The following CAMKMT variants were observed in gnomAD, a reference collection of about 807,000 sequenced individuals.
CAMKMT encodes the protein calmodulin-lysine N-methyltransferase, also known as CaM KMT.
Under a neutral mutation model 48.0 loss-of-function variants are expected in CAMKMT, and 53 were observed. The observed-to-expected ratio is 1.10, with a 90% CI of 0.89 to 1.39. The LOEUF is 1.39. Ranked by LOEUF, CAMKMT falls within the 40% of genes most tolerant of loss-of-function variation. The pLI is 0.00. For missense variants in CAMKMT, 428 were observed against 402.7 expected (o/e 1.06, Z -0.54); for synonymous variants, 165 against 152.3 (o/e 1.08, Z -0.61).
chr2:44,629,351 T>C (rs1672674770), intron 3 of CAMKMT, among the ~76,000 whole-genome samples: 1 of 152,140 alleles, frequency 6.6e-6, no homozygotes, highest in African/African-American at 2.4e-5. Flanking sequence ...ACCTCATGAT[T>C]AGTGTGCACA....
intron 3 of CAMKMT, among the ~76,000 whole-genome samples, chr2:44,441,122 A>T (rs973618130): frequency 2.0e-5 from 3 of 151,866 alleles, no homozygotes; most frequent in Admixed American, 1.3e-4. Context: ...TTTCTCACTT[A>T]TTTGGTGTCT....
At chr2:44,426,390 G>C (rs1244767086) in intron 3 of CAMKMT, among the ~76,000 whole-genome samples, 1 of 152,124 alleles carries the variant, frequency 6.6e-6, no homozygotes, top group Non-Finnish European at 1.5e-5. Flanking sequence ...AAAAAATGAA[G>C]TTAAATTGTC....
In CAMKMT at chr2:44,684,998, T is replaced by C. The variant is rs528211201; in HGVS notation, c.377-19285T>C. 2.6e-4 allele frequency among the ~76,000 whole-genome samples: 40 copies of C among 152,222 alleles called. 1 individual carries two copies. In the South Asian group the frequency reaches 8.1e-3, roughly 31 times the overall value. On this transcript the variant is annotated intron_variant, in intron 3 of 10. Transcript: ENST00000378494. Reference sequence around the variant, plus strand: ...AGGGATTCATTTTTTATTGCTGAGTTCTAGGTTTAGAACAATTCGTTGCTA... The same window carrying C: ...AGGGATTCATTTTTTATTGCTGAGTCCTAGGTTTAGAACAATTCGTTGCTA...
intron 3 of CAMKMT, among the ~76,000 whole-genome samples, chr2:44,586,316 CAT>C (rs1426888592): frequency 1.3e-5 from 2 of 151,088 alleles, no homozygotes; most frequent in Admixed American, 1.3e-4. Context: ...TAAGTTTTAA[CAT>C]ATGTATATAT....
intron 3 of CAMKMT, among the ~76,000 whole-genome samples, chr2:44,678,823 A>T (rs1376584062): frequency 2.0e-5 from 3 of 152,074 alleles, no homozygotes; most frequent in African/African-American, 4.8e-5. Flanking sequence ...AGCCCCTGGT[A>T]TTCCATGTAC....
chr2:44,505,694 G>A (rs1314068477), intron 3 of CAMKMT, among the ~76,000 whole-genome samples: 2 of 152,084 alleles, frequency 1.3e-5, no homozygotes, highest in East Asian at 3.9e-4. Flanking sequence ...AAAAGGAGGA[G>A]TTTGTCTTGC....
intron 9 of CAMKMT, 83 bp from the exon 10 acceptor site, chr2:44,766,347 A>ATATG: frequency 6.8e-7 from 1 of 1,479,506 alleles, no homozygotes; most frequent in Non-Finnish European, 9.4e-7. Context: ...TGAGAGCAGT[A>ATATG]CATTAAATGC....
chr2:44,751,255 A>G (rs1023366728), intron 8 of CAMKMT, among the ~76,000 whole-genome samples: 10 of 152,160 alleles, frequency 6.6e-5, no homozygotes, highest in African/African-American at 2.4e-4. Flanking sequence ...TGCCTAAACC[A>G]GTCAGTGCTC....
rs567668035 is a variant in CAMKMT at position 44,364,319 on chromosome 2, C to G, written c.138+2174C>G. On this transcript the variant is annotated intron_variant, in intron 1 of 10. Coordinates refer to ENST00000378494, the MANE Select transcript of CAMKMT (RefSeq NM_024766.5). ...CCTGCTTATAGTCTTTTTATCTTCT[C>G]TACTTGGTGAATGATTGTTCATTCT... is the stretch of plus-strand genomic sequence containing the variant. Among the ~76,000 whole-genome samples the G allele has an allele frequency of 2.8e-3, 423 of 152,276 alleles. 1 individual carries two copies. The highest frequency in any genetic ancestry group is 8.3e-3 in the African/African-American group (344 of 41,554).
intron 3 of CAMKMT, among the ~76,000 whole-genome samples, chr2:44,536,276 T>C (rs1233631399): frequency 6.6e-6 from 1 of 151,558 alleles, no homozygotes; most frequent in Admixed American, 6.6e-5. Context: ...AAAATGACCA[T>C]ACTACCCAAA....
At chr2:44,591,852 G>T (rs1311525752) in intron 3 of CAMKMT, among the ~76,000 whole-genome samples, 1 of 151,730 alleles carries the variant, frequency 6.6e-6, no homozygotes. Flanking sequence ...AGAAAATGTG[G>T]CACATATACA....
chr2:44,759,586 T>C (rs1374918290), intron 9 of CAMKMT, among the ~76,000 whole-genome samples: 1 of 152,156 alleles, frequency 6.6e-6, no homozygotes, highest in Non-Finnish European at 1.5e-5. Context: ...TGGGTTCTTA[T>C]CTGCTTACTG....
At chr2:44,577,339 G>C (rs1669276325) in intron 3 of CAMKMT, among the ~76,000 whole-genome samples, 1 of 152,186 alleles carries the variant, frequency 6.6e-6, no homozygotes, top group African/African-American at 2.4e-5. Context: ...AAGCCATAAA[G>C]CTTCTTCTGT....
chr2:44,515,854 G>A (rs1670806215), intron 3 of CAMKMT, among the ~76,000 whole-genome samples: 1 of 152,080 alleles, frequency 6.6e-6, no homozygotes, highest in East Asian at 1.9e-4. Flanking sequence ...TTAGTTTTTA[G>A]GCCCTTTACC....
At chr2:44,644,948 C>T (rs1214592821) in intron 3 of CAMKMT, among the ~76,000 whole-genome samples, 13 of 152,114 alleles carry the variant, frequency 8.5e-5, no homozygotes, top group African/African-American at 2.2e-4. Flanking sequence ...AGAGTTCTGT[C>T]GTTCTCTCAA....
At chr2:44,753,980 T>G (rs3738980) in intron 8 of CAMKMT, 75 bp from the exon 9 acceptor site, 186,799 of 1,030,352 alleles carry the variant, frequency 0.18, 22,810 homozygotes, top group East Asian at 0.61. Context: ...TAATTAGCCT[T>G]GTACTTATCT....
chr2:44,466,159 T>A (rs1391362039), intron 3 of CAMKMT, among the ~76,000 whole-genome samples: 2 of 152,166 alleles, frequency 1.3e-5, no homozygotes, highest in Non-Finnish European at 2.9e-5. Context: ...AGGACTTCAA[T>A]AACATTATAG....
intron 3 of CAMKMT, among the ~76,000 whole-genome samples, chr2:44,629,723 C>G (rs1360340204): frequency 2.6e-5 from 4 of 152,082 alleles, no homozygotes; most frequent in African/African-American, 7.2e-5. Context: ...GAACTACAAA[C>G]CACTGCTCAA....
chr2:44,605,844 T>C (rs1336124582), intron 3 of CAMKMT, among the ~76,000 whole-genome samples: 1 of 152,258 alleles, frequency 6.6e-6, no homozygotes, highest in African/African-American at 2.4e-5. Context: ...GAAATTATTA[T>C]GTTGGCATAG....
Sources: gnomAD v4.1 joint callset for allele counts (sites outside exome capture counted in the v4.1 genomes callset) on GRCh38, gnomAD v4.1.1 for gene constraint, MANE v1.5 for transcripts, NCBI Gene and HGNC (gene_info 2026-07-23, HGNC 2026-07-21) for gene names.